The following SUGCT variants were observed in gnomAD, a reference collection of about 807,000 sequenced individuals.
SUGCT encodes succinyl-CoA:glutarate CoA-transferase.
SUGCT carries 41 observed loss-of-function variants against 55.0 expected under a neutral mutation model. The ratio of observed to expected loss-of-function variants is 0.74; its 90% confidence interval spans 0.58 to 0.97. The LOEUF (loss-of-function observed/expected upper bound fraction) is 0.97. Among genes scored for constraint, SUGCT ranks in the 50% least tolerant of loss-of-function variants. The pLI is 0.00. For missense variants in SUGCT, 568 were observed against 547.8 expected (o/e 1.04, Z -0.37); for synonymous variants, 187 against 200.4 (o/e 0.93, Z 0.56).
the SUGCT span, among the ~76,000 whole-genome samples, chr7:40,989,091 T>C: frequency 1.3e-5 from 2 of 152,144 alleles, no homozygotes; most frequent in African/African-American, 4.8e-5. Context: ...CAGACCCTAA[T>C]TGAACATACT....
intron 8 of SUGCT, among the ~76,000 whole-genome samples, chr7:40,291,095 G>A (rs1793718238): frequency 6.6e-6 from 1 of 152,052 alleles, no homozygotes; most frequent in Admixed American, 6.5e-5. Flanking sequence ...AAGTCAGTGT[G>A]GTGATTCCTC....
At chr7:41,033,058 G>C in the SUGCT span, among the ~76,000 whole-genome samples, 1 of 152,100 alleles carries the variant, frequency 6.6e-6, no homozygotes, top group Non-Finnish European at 1.5e-5. Context: ...CACTGCGTGG[G>C]GCCAAAAAAC....
At chr7:40,821,496 G>C (rs1372345351) in intron 13 of SUGCT, among the ~76,000 whole-genome samples, 1 of 152,032 alleles carries the variant, frequency 6.6e-6, no homozygotes, top group East Asian at 1.9e-4. Context: ...GTCTTGGGAG[G>C]GTGTATGTGT....
intron 1 of SUGCT, among the ~76,000 whole-genome samples, chr7:40,164,026 G>A (rs1236282406): frequency 2.0e-5 from 3 of 151,820 alleles, no homozygotes; most frequent in African/African-American, 7.3e-5. Flanking sequence ...TCACTAGTTG[G>A]CCAGGATGGT....
chr7:40,279,329 C>A (rs1371198437), intron 8 of SUGCT, among the ~76,000 whole-genome samples: 1 of 152,062 alleles, frequency 6.6e-6, no homozygotes, highest in Non-Finnish European at 1.5e-5. Context: ...CACTGAGTGG[C>A]ATAAGCAATT....
chr7:41,007,823 C>CAAAAA, the SUGCT span, among the ~76,000 whole-genome samples: 22 of 104,254 alleles, frequency 2.1e-4, no homozygotes, highest in Non-Finnish European at 3.1e-4. Flanking sequence ...AACTGAAATC[C>CAAAAA]AAAAAAAAAA....
chr7:40,245,896 T>G (rs1789841306), intron 7 of SUGCT, among the ~76,000 whole-genome samples: 1 of 152,078 alleles, frequency 6.6e-6, no homozygotes, highest in Admixed American at 6.6e-5. Context: ...CAGGCTGGAG[T>G]GCAGTGGTGC....
chr7:40,158,179 G>T (rs1783986707), intron 1 of SUGCT, among the ~76,000 whole-genome samples: 1 of 151,830 alleles, frequency 6.6e-6, no homozygotes, highest in Non-Finnish European at 1.5e-5. Context: ...TCCAGCCTGG[G>T]TGACAGAGCA....
intron 12 of SUGCT, among the ~76,000 whole-genome samples, chr7:40,577,513 C>T (rs1319703737): frequency 6.6e-6 from 1 of 151,910 alleles, no homozygotes; most frequent in Non-Finnish European, 1.5e-5. Context: ...TTTTGATATA[C>T]TCCCCTGAAT....
chr7:40,308,283 G>A (rs554915090), intron 8 of SUGCT, among the ~76,000 whole-genome samples: 1 of 152,174 alleles, frequency 6.6e-6, no homozygotes, highest in South Asian at 2.1e-4. Flanking sequence ...TAGTGGCTTA[G>A]GGATGGTGTA....
At chr7:41,027,229 C>A in the SUGCT span, among the ~76,000 whole-genome samples, 1 of 152,148 alleles carries the variant, frequency 6.6e-6, no homozygotes, top group African/African-American at 2.4e-5. Flanking sequence ...CACCCTGCAT[C>A]CACGCCTTCC....
At chr7:40,361,952 A>G (rs903373950) in intron 9 of SUGCT, among the ~76,000 whole-genome samples, 2 of 152,060 alleles carry the variant, frequency 1.3e-5, no homozygotes, top group Non-Finnish European at 2.9e-5. Context: ...AAATTTGAGA[A>G]GCACTGGCTT....
At chr7:40,258,011 A>G (rs1467521519) in intron 7 of SUGCT, among the ~76,000 whole-genome samples, 4 of 152,244 alleles carry the variant, frequency 2.6e-5, no homozygotes, top group Non-Finnish European at 5.9e-5. Context: ...ACACTGAACC[A>G]GGGATGGTGT....
chr7:41,026,773 C>T, the SUGCT span, among the ~76,000 whole-genome samples: 10 of 152,152 alleles, frequency 6.6e-5, no homozygotes, highest in Non-Finnish European at 1.2e-4. Context: ...GTGGCTCATG[C>T]CTATAATCCC....
chr7:40,168,305 G>A (rs374936226), intron 1 of SUGCT, among the ~76,000 whole-genome samples: 8 of 152,298 alleles, frequency 5.3e-5, no homozygotes, highest in East Asian at 1.9e-4. Flanking sequence ...GAATTGGGGC[G>A]TAGTAGGGGT....
the SUGCT span, among the ~76,000 whole-genome samples, chr7:40,964,502 G>A: frequency 1.3e-5 from 2 of 152,116 alleles, no homozygotes; most frequent in Non-Finnish European, 2.9e-5. Context: ...ATAGGCACTT[G>A]GATCCCTCTG....
Position 40,508,720 on chromosome 7 carries a change from T to A in SUGCT, c.1089+12334T>A, listed in dbSNP as rs533684913. On this transcript the variant is annotated intron_variant, in intron 12 of 13. Transcript: ENST00000335693. ...AGAGAATTTCAGTTTAAAAAAAAAA[T>A]TTTCACCAGAAAAATTGCTGTTTTG... Among the ~76,000 whole-genome samples, 77 of 152,114 alleles carry A rather than the reference T, an allele frequency of 5.1e-4. 2 individuals are homozygous for A. In the South Asian group the frequency reaches 0.012, roughly 24 times the overall value.
the SUGCT span, among the ~76,000 whole-genome samples, chr7:40,952,904 C>G: frequency 2.6e-5 from 4 of 152,148 alleles, no homozygotes; most frequent in African/African-American, 9.7e-5. Flanking sequence ...TTCATTTCAA[C>G]TTTGGTGAAT....
At chr7:40,378,939 T>C (rs927527768) in intron 9 of SUGCT, among the ~76,000 whole-genome samples, 1 of 152,232 alleles carries the variant, frequency 6.6e-6, no homozygotes, top group South Asian at 2.1e-4. Context: ...GTGTGACTAT[T>C]ATCACATATG....
Sources: allele counts gnomAD v4.1 joint callset (sites outside exome capture counted in the v4.1 genomes callset), GRCh38; gene constraint gnomAD v4.1.1; transcripts MANE v1.5; gene names NCBI Gene and HGNC (gene_info 2026-07-23, HGNC 2026-07-21).